The following STAB2 variants were observed in gnomAD, a reference collection of about 807,000 sequenced individuals.
STAB2 encodes stabilin-2.
In STAB2, 288 loss-of-function variants were observed where a neutral mutation model predicts 338.1. The observed-to-expected ratio is 0.85, with a 90% CI of 0.77 to 0.94. The LOEUF (loss-of-function observed/expected upper bound fraction) is 0.94. STAB2 is among the 40% of genes least tolerant of loss of function. The pLI, the probability that STAB2 is intolerant of heterozygous loss-of-function variation, is 0.00. For synonymous variants in STAB2, 1,202 were observed against 1,193.3 expected (o/e 1.01, Z -0.15); for missense variants, 3,141 against 3,210.1 (o/e 0.98, Z 0.52).
intron 9 of STAB2, among the ~76,000 whole-genome samples, chr12:103,646,477 G>A (rs1470053330): frequency 6.6e-6 from 1 of 152,130 alleles, no homozygotes; most frequent in Non-Finnish European, 1.5e-5. Context: ...CTATATGTCT[G>A]TCACAGTGCT....
intron 22 of STAB2, among the ~76,000 whole-genome samples, chr12:103,671,487 C>T (rs552588469): frequency 1.3e-5 from 2 of 152,262 alleles, no homozygotes; most frequent in South Asian, 2.1e-4. Flanking sequence ...ACCTTTCAGG[C>T]AGACCTCTTC....
At chr12:103,610,721 T>A (rs1957109372) in intron 3 of STAB2, among the ~76,000 whole-genome samples, 1 of 152,238 alleles carries the variant, frequency 6.6e-6, no homozygotes, top group Non-Finnish European at 1.5e-5. Flanking sequence ...ATTTCTTGCC[T>A]TCTGCTAGCT....
At chr12:103,621,184 C>T (rs1224427272) in intron 4 of STAB2, among the ~76,000 whole-genome samples, 1 of 152,020 alleles carries the variant, frequency 6.6e-6, no homozygotes, top group Non-Finnish European at 1.5e-5. Context: ...TGTGAAAATA[C>T]TTTATGACAC....
chr12:103,637,225 A>G lies in STAB2; in HGVS notation c.698A>G (p.Lys233Arg). Residue 233 changes from lysine to arginine, a missense_variant, in exon 7 of 69, where the codon AAA becomes AGA. Transcript: ENST00000388887. ...KCLPNYRGDG[K>R]YCDPINPCLR... The stretch of plus-strand genomic sequence containing the variant: ...CTTCCCAATTACCGAGGCGATGGCA[A>G]ATACTGCGACCGTGAGTAGAATTTA... The G allele has an allele frequency of 6.2e-7, 1 of 1,611,766 alleles. No homozygotes were observed. Among genetic ancestry groups the G allele is most frequent in the Admixed American group, 1.7e-5 (1 of 59,250 alleles).
At chr12:103,744,699 C>G (rs1438988979) in intron 56 of STAB2, among the ~76,000 whole-genome samples, 1 of 151,944 alleles carries the variant, frequency 6.6e-6, no homozygotes, top group Non-Finnish European at 1.5e-5. Context: ...TGGTCTTGAC[C>G]GGGCCTCAAG....
chr12:103,604,437 A>G (rs554294340), intron 3 of STAB2, among the ~76,000 whole-genome samples: 10 of 152,188 alleles, frequency 6.6e-5, no homozygotes, highest in Middle Eastern at 3.4e-3. Flanking sequence ...TAAAACTGAT[A>G]TAACTTCTTC....
intron 47 of STAB2, among the ~76,000 whole-genome samples, 165 bp from the exon 48 acceptor site, chr12:103,728,684 T>C (rs200534667): frequency 6.6e-6 from 1 of 152,244 alleles, no homozygotes; most frequent in East Asian, 1.9e-4. Flanking sequence ...TCCTCCCTTT[T>C]GTCTGAACAG....
chr12:103,704,161 G>A (rs1055953907), intron 35 of STAB2, among the ~76,000 whole-genome samples: 1 of 152,224 alleles, frequency 6.6e-6, no homozygotes, highest in Non-Finnish European at 1.5e-5. Flanking sequence ...GTAATAGCAT[G>A]TATTATCTCT....
rs552076961 is a variant in STAB2 at position 103,724,892 on chromosome 12, G to A, written c.4684-83G>A. 6.8e-5 allele frequency: 107 copies of A among 1,565,176 alleles called. No individual in the cohort carries two copies. In the South Asian group the frequency reaches 8.4e-4, roughly 12 times the overall value. ...AGTGAGACAAAAAATGAATTCAAAC[G>A]CAGAATTGCTTTGTAAATATCGGTA... On this transcript the variant is annotated intron_variant, in intron 44 of 68. Coordinates refer to ENST00000388887, the MANE Select transcript of STAB2 (RefSeq NM_017564.10).
intron 18 of STAB2, among the ~76,000 whole-genome samples, chr12:103,664,043 TTC>T (rs1440780321): frequency 1.3e-5 from 2 of 152,208 alleles, no homozygotes; most frequent in Non-Finnish European, 2.9e-5. Context: ...AAACCAAACT[TTC>T]TGTTTCCCTA....
chr12:103,670,580 C>G, intron 21 of STAB2, 116 bp from the exon 22 acceptor site: 1 of 801,084 alleles, frequency 1.2e-6, no homozygotes, highest in Non-Finnish European at 2.1e-6. Flanking sequence ...CACGAGGAGT[C>G]CCAGAGGGTC....
chr12:103,670,803 C>T lies in STAB2; in HGVS notation c.2367C>T (p.Asn789=). The part of the protein sequence containing the change: ...SDPNKYGPRC[N]KKCLCVHGTC... Reference sequence around the variant, plus strand: ...CCAATAAATACGGACCTCGGTGTAACAAAAGTAAGTGGCACTTCCAGAGCT... The same window carrying T: ...CCAATAAATACGGACCTCGGTGTAATAAAAGTAAGTGGCACTTCCAGAGCT... Residue 789 remains asparagine, a synonymous_variant, in exon 22 of 69, where the codon AAC becomes AAT. Coordinates refer to ENST00000388887, the MANE Select transcript of STAB2 (RefSeq NM_017564.10). 1 of 1,613,226 alleles carries T rather than the reference C, an allele frequency of 6.2e-7. No homozygotes were observed. The highest frequency in any genetic ancestry group is 8.5e-7 in the Non-Finnish European group (1 of 1,179,514).
At chr12:103,706,496 T>C (rs1346590902) in intron 37 of STAB2, among the ~76,000 whole-genome samples, 1 of 152,136 alleles carries the variant, frequency 6.6e-6, no homozygotes, top group Non-Finnish European at 1.5e-5. Flanking sequence ...TATTCTTTAG[T>C]TTCTTCTGCT....
At chr12:103,672,743 C>T (rs761694320) in intron 22 of STAB2, among the ~76,000 whole-genome samples, 15 of 152,288 alleles carry the variant, frequency 9.8e-5, no homozygotes, top group Middle Eastern at 3.4e-3. Context: ...GAACCTGAGT[C>T]TGATGAGGTG....
intron 51 of STAB2, among the ~76,000 whole-genome samples, chr12:103,734,458 C>T (rs1484144067): frequency 1.1e-4 from 16 of 141,952 alleles, no homozygotes; most frequent in South Asian, 7.0e-4. Context: ...CACGATCATA[C>T]AGGAGCAAGC....
intron 3 of STAB2, among the ~76,000 whole-genome samples, chr12:103,611,230 T>A (rs1280930324): frequency 2.0e-5 from 3 of 152,186 alleles, no homozygotes; most frequent in Non-Finnish European, 2.9e-5. Flanking sequence ...TGAGTTCAAT[T>A]CCTGGATATC....
At chr12:103,675,837 G>A (rs1876291442) in intron 23 of STAB2, 91 bp from the exon 24 acceptor site, 3 of 965,242 alleles carry the variant, frequency 3.1e-6, no homozygotes, top group Admixed American at 4.8e-5. Context: ...GGAGCCATTT[G>A]GCCAGGAACT....
At chr12:103,589,199 T>C (rs957801455) in intron 1 of STAB2, among the ~76,000 whole-genome samples, 3 of 152,216 alleles carry the variant, frequency 2.0e-5, no homozygotes, top group Non-Finnish European at 4.4e-5. Context: ...ATGCAGGCTT[T>C]ATATATTTCA....
In STAB2 at chr12:103,762,491, A is replaced by G. The variant is rs1034009038; in HGVS notation, c.7488+89A>G. On this transcript the variant is annotated intron_variant, in intron 67 of 68. Coordinates refer to ENST00000388887, the MANE Select transcript of STAB2 (RefSeq NM_017564.10). ...GGCTGCTTCAGTCGGTGGCTGCGCC[A>G]GAGTCCTCACCCAGAAGCAGTGTGT... is the stretch of plus-strand genomic sequence containing the variant. 3.1e-6 allele frequency: 5 copies of G among 1,591,866 alleles called. No individual in the cohort carries two copies. In the African/African-American group the frequency reaches 5.4e-5, roughly 17 times the overall value.
Sources: gnomAD v4.1 joint callset for allele counts (sites outside exome capture counted in the v4.1 genomes callset) on GRCh38, gnomAD v4.1.1 for gene constraint, MANE v1.5 for transcripts, NCBI Gene and HGNC (gene_info 2026-07-23, HGNC 2026-07-21) for gene names.